NGEF: variants seen among roughly 807,000 people sequenced by gnomAD.
The protein encoded by NGEF is neuronal guanine nucleotide exchange factor.
A neutral mutation model predicts 80.9 loss-of-function variants in NGEF; 31 were observed. That is an observed-to-expected ratio of 0.38 (90% CI 0.29 to 0.52). The LOEUF is 0.52. NGEF is among the 20% of genes least tolerant of loss of function. NGEF has a pLI of 0.84. For synonymous variants in NGEF, 371 were observed against 370.2 expected (o/e 1.00, Z -0.03); for missense variants, 709 against 926.2 (o/e 0.77, Z 3.04).
intron 2 of NGEF, among the ~76,000 whole-genome samples, chr2:232,970,869 G>A (rs892383681): frequency 2.6e-4 from 39 of 151,878 alleles, no homozygotes; most frequent in Admixed American, 1.3e-4. Flanking sequence ...ACATACATAC[G>A]TAGTCAGTGG....
intron 3 of NGEF, among the ~76,000 whole-genome samples, chr2:232,961,750 G>C (rs763810817): frequency 2.6e-5 from 4 of 152,046 alleles, no homozygotes; most frequent in Non-Finnish European, 5.9e-5. Flanking sequence ...CCCGCCTTGG[G>C]CTCCCAACCA....
chr2:233,008,595 T>C (rs1695137588), intron 1 of NGEF, among the ~76,000 whole-genome samples: 1 of 152,230 alleles, frequency 6.6e-6, no homozygotes, highest in Non-Finnish European at 1.5e-5. Context: ...CCCCTGTCAC[T>C]GCCTCTGTGG....
chr2:232,917,783 T>A (rs1182663987), intron 5 of NGEF, among the ~76,000 whole-genome samples: 1 of 152,154 alleles, frequency 6.6e-6, no homozygotes, highest in Non-Finnish European at 1.5e-5. Flanking sequence ...GTTTTTATTT[T>A]TATTTTTTGA....
At chr2:232,944,252 G>T (rs1353276550) in intron 3 of NGEF, among the ~76,000 whole-genome samples, 1 of 152,026 alleles carries the variant, frequency 6.6e-6, no homozygotes, top group Non-Finnish European at 1.5e-5. Context: ...TTAAAAAAAA[G>T]AAAAGAAGAG....
At chr2:232,955,171 G>A (rs12613754) in intron 3 of NGEF, among the ~76,000 whole-genome samples, 30,358 of 151,946 alleles carry the variant, frequency 0.2, 3,213 homozygotes, top group East Asian at 0.34. Context: ...AAAGAATACT[G>A]AAAATTGCAA....
At chr2:232,945,638 G>A (rs1693541566) in intron 3 of NGEF, among the ~76,000 whole-genome samples, 1 of 152,056 alleles carries the variant, frequency 6.6e-6, no homozygotes, top group African/African-American at 2.4e-5. Flanking sequence ...ACAGCTCTGA[G>A]AGGGAGTGTG....
At chr2:232,973,362 A>G (rs553569268) in intron 2 of NGEF, among the ~76,000 whole-genome samples, 122 of 152,340 alleles carry the variant, frequency 8.0e-4, no homozygotes, top group Non-Finnish European at 1.3e-3. Context: ...TCAGTGCTTG[A>G]TACATGATTT....
At chr2:232,989,492 A>C (rs142972681) in intron 1 of NGEF, among the ~76,000 whole-genome samples, 1 of 152,322 alleles carries the variant, frequency 6.6e-6, no homozygotes, top group Non-Finnish European at 1.5e-5. Flanking sequence ...CCAGAGTATT[A>C]TGTATTCAAA....
chr2:233,003,147 C>G (rs1445103814), intron 1 of NGEF, among the ~76,000 whole-genome samples: 4 of 152,164 alleles, frequency 2.6e-5, no homozygotes, highest in Non-Finnish European at 4.4e-5. Context: ...CGTGAATAAC[C>G]CAAACCCTCC....
chr2:232,908,000 C>G (rs559241928), intron 5 of NGEF, among the ~76,000 whole-genome samples: 1 of 152,060 alleles, frequency 6.6e-6, no homozygotes, highest in South Asian at 2.1e-4. Context: ...ATCCCAGCTA[C>G]TCAGGAGGCT....
intron 3 of NGEF, among the ~76,000 whole-genome samples, chr2:232,969,466 CT>C: frequency 4.2e-5 from 4 of 94,816 alleles, no homozygotes; most frequent in South Asian, 3.9e-4. Flanking sequence ...TCCTTCCTTC[CT>C]TCCTTCTTCC....
intron 1 of NGEF, among the ~76,000 whole-genome samples, chr2:233,002,068 G>A (rs1694990643): frequency 6.6e-6 from 1 of 152,082 alleles, no homozygotes; most frequent in Non-Finnish European, 1.5e-5. Flanking sequence ...ATTGGGGGCT[G>A]TGGTTTTTTC....
intron 5 of NGEF, among the ~76,000 whole-genome samples, chr2:232,896,652 T>TGGGGGGAGGGGTG (rs1692078231): frequency 2.4e-4 from 1 of 4,116 alleles, no homozygotes; most frequent in Non-Finnish European, 4.1e-4. Context: ...GGGTAGGGGT[T>TGGGGGGAGGGGTG]GGGGTGGGGG....
chr2:232,920,703 C>T lies in NGEF; in HGVS notation c.527-118G>A, dbSNP rs1692924127. On this transcript the variant is annotated intron_variant, in intron 4 of 14. Transcript: ENST00000264051. Reference sequence around the variant, plus strand: ...GGTGGCTGCTGTGTCCAGGAATACACAGTGCAAGCCAGCCCTGCACCCATC... The same window carrying T: ...GGTGGCTGCTGTGTCCAGGAATACATAGTGCAAGCCAGCCCTGCACCCATC... The T allele has an allele frequency of 5.3e-6, 5 of 939,278 alleles. No individual in the cohort carries two copies. In the Admixed American group the frequency reaches 1.2e-4, roughly 23 times the overall value. 58.2% of individuals were successfully genotyped at this position (939,278 alleles called of 1,614,324 possible). A position where few individuals can be genotyped will look rare whatever the true frequency, so the allele number is the denominator to read the frequency against.
intron 3 of NGEF, among the ~76,000 whole-genome samples, chr2:232,930,311 GCT>G (rs942044866): frequency 2.3e-5 from 3 of 130,852 alleles, no homozygotes; most frequent in Non-Finnish European, 3.2e-5. Context: ...AGTACTCTGG[GCT>G]CTCTCTCTCT....
rs762617289 is a variant in NGEF, at chr2:232,920,292, G to A, written c.820C>T (p.Leu274=). The change falls in exon 5 of 15, where the codon CTG becomes TTG. Residue 274 remains leucine (L), a synonymous_variant. Transcript: ENST00000264051. Reference sequence around the variant, plus strand: ...CCCTCGGCGCCTGTTACCTCCTGCAGCTTAATCTCCTCGGGCTGTAGGATC... The same window carrying A: ...CCCTCGGCGCCTGTTACCTCCTGCAACTTAATCTCCTCGGGCTGTAGGATC... ...LEILQPEEIK[L]QEAMFELVTS... 1 of 1,613,030 alleles carries A rather than the reference G, an allele frequency of 6.2e-7. No individual in the cohort carries two copies. Among genetic ancestry groups the A allele is most frequent in the Non-Finnish European group, 8.5e-7 (1 of 1,179,578 alleles).
Position 232,927,154 on chromosome 2 carries a change from G to A in NGEF, c.416C>T (p.Thr139Met). ...GGCCAGGGCCGGCCACTCCTCGGGC[G>A]TGGCCCCATTTCCCGGGGTGGAGGA... is the stretch of plus-strand genomic sequence containing the variant. The part of the protein sequence containing the change: ...ESSSTPGNGA[T>M]PEEWPALADS... The change falls in exon 4 of 15, where the codon ACG (threonine) becomes ATG (methionine). Residue 139 changes from threonine (T) to methionine (M), a missense_variant. Thr to Met is a moderately conservative substitution (Grantham distance 81). Coordinates refer to ENST00000264051, the MANE Select transcript of NGEF (RefSeq NM_019850.3). 1.2e-6 allele frequency: 2 copies of A among 1,603,506 alleles called. No homozygotes were observed. The highest frequency in any genetic ancestry group is 1.7e-6 in the Non-Finnish European group (2 of 1,175,924).
At chr2:232,988,296 G>T (rs897686939) in intron 1 of NGEF, among the ~76,000 whole-genome samples, 2 of 152,160 alleles carry the variant, frequency 1.3e-5, no homozygotes, top group Admixed American at 6.5e-5. Flanking sequence ...TTGGAAAATT[G>T]TAACGTGGCT....
intron 3 of NGEF, among the ~76,000 whole-genome samples, chr2:232,969,398 C>T (rs1361557894): frequency 6.6e-6 from 1 of 151,726 alleles, no homozygotes; most frequent in African/African-American, 2.4e-5. Flanking sequence ...GCACAAGCTG[C>T]TCTGCCTGGC....
Sources: gnomAD v4.1 joint callset for allele counts (sites outside exome capture counted in the v4.1 genomes callset) on GRCh38, gnomAD v4.1.1 for gene constraint, MANE v1.5 for transcripts, NCBI Gene and HGNC (gene_info 2026-07-23, HGNC 2026-07-21) for gene names.